Variants in KLHL32 observed in about 807,000 individuals in gnomAD.
KLHL32 encodes kelch-like protein 32.
A neutral mutation model predicts 64.8 loss-of-function variants in KLHL32; 35 were observed. The observed-to-expected ratio is 0.54, with a 90% CI of 0.41 to 0.72. KLHL32 has a LOEUF of 0.72. KLHL32 is among the 30% of genes least tolerant of loss of function. The pLI, the probability that KLHL32 is intolerant of heterozygous loss-of-function variation, is 0.00. For missense variants in KLHL32, 589 were observed against 768.5 expected (o/e 0.77, Z 2.76); for synonymous variants, 259 against 281.0 (o/e 0.92, Z 0.78).
intron 6 of KLHL32, among the ~76,000 whole-genome samples, chr6:97,096,084 GTCT>G (rs1159018618): frequency 2.6e-5 from 4 of 151,990 alleles, no homozygotes; most frequent in African/African-American, 2.4e-5. Context: ...TATTTTATAG[GTCT>G]TCTTTTTACC....
At chr6:96,982,110 G>C (rs1024797333) in intron 3 of KLHL32, among the ~76,000 whole-genome samples, 1 of 152,048 alleles carries the variant, frequency 6.6e-6, no homozygotes. Flanking sequence ...ATCTTGGTTA[G>C]TTCTCTGCCT....
rs183178363 is a variant in KLHL32, at chr6:96,986,838, G to A, written c.204+10661G>A. 9.0e-3 allele frequency among the ~76,000 whole-genome samples: 1,370 copies of A among 152,240 alleles called. 10 individuals carry two copies. Among genetic ancestry groups the A allele is most frequent in the Non-Finnish European group, 0.011 (745 of 68,010 alleles). ...CACTTCCTGGGTGAGACGATGCCTC[G>A]CCCTGCTTCAGCTCATGCTTGGTGC... On this transcript the variant is annotated intron_variant, in intron 3 of 10. Coordinates refer to ENST00000369261, the MANE Select transcript of KLHL32 (RefSeq NM_052904.4).
chr6:96,941,473 A>G (rs1771279376), intron 1 of KLHL32, among the ~76,000 whole-genome samples: 1 of 152,186 alleles, frequency 6.6e-6, no homozygotes, highest in Admixed American at 6.5e-5. Flanking sequence ...AATCTGATTT[A>G]ATTCTTAAAT....
intron 1 of KLHL32, among the ~76,000 whole-genome samples, chr6:96,950,042 G>A (rs1200749288): frequency 6.6e-6 from 1 of 151,946 alleles, no homozygotes; most frequent in African/African-American, 2.4e-5. Flanking sequence ...GAGCCACAGT[G>A]TATTTTTCAA....
At chr6:96,929,049 G>A (rs1044978206) in intron 1 of KLHL32, among the ~76,000 whole-genome samples, 5 of 152,178 alleles carry the variant, frequency 3.3e-5, no homozygotes, top group Non-Finnish European at 7.3e-5. Context: ...GTAGAGATAT[G>A]AAAGAAATGT....
chr6:96,935,183 G>A (rs1770433836), intron 1 of KLHL32, among the ~76,000 whole-genome samples: 1 of 152,182 alleles, frequency 6.6e-6, no homozygotes, highest in Non-Finnish European at 1.5e-5. Flanking sequence ...GTGACTAGCT[G>A]AGAGAAAGGC....
At chr6:97,009,430 T>C (rs1780088254) in intron 3 of KLHL32, among the ~76,000 whole-genome samples, 1 of 152,226 alleles carries the variant, frequency 6.6e-6, no homozygotes, top group Non-Finnish European at 1.5e-5. Flanking sequence ...TAAAACTCTC[T>C]TCACTATCGA....
the KLHL32 span, among the ~76,000 whole-genome samples, chr6:96,918,727 CATCA>C: frequency 6.6e-6 from 1 of 152,166 alleles, no homozygotes; most frequent in East Asian, 1.9e-4. Context: ...GTGGGTTACT[CATCA>C]GTTTTTAAAA....
intron 3 of KLHL32, among the ~76,000 whole-genome samples, chr6:97,032,931 C>CT (rs55941007): frequency 0.01 from 1,478 of 142,804 alleles, 20 homozygotes; most frequent in South Asian, 0.049. Context: ...TTCCTGTTAG[C>CT]TTTTTTTTTT....
At chr6:96,947,170 C>T (rs912221604) in intron 1 of KLHL32, among the ~76,000 whole-genome samples, 1 of 152,110 alleles carries the variant, frequency 6.6e-6, no homozygotes, top group Non-Finnish European at 1.5e-5. Context: ...ATCAACTAAC[C>T]ACTAACTGGG....
intron 1 of KLHL32, among the ~76,000 whole-genome samples, chr6:96,940,423 T>G (rs959304245): frequency 1.3e-5 from 2 of 152,128 alleles, no homozygotes; most frequent in Non-Finnish European, 2.9e-5. Context: ...TAGAAGCCAA[T>G]GCAGTGGTGT....
chr6:97,113,771 C>T lies in KLHL32; in HGVS notation c.628-12C>T, dbSNP rs748904011. On this transcript the variant is annotated splice_polypyrimidine_tract_variant and intron_variant, in intron 6 of 10. Coordinates refer to ENST00000369261, the MANE Select transcript of KLHL32 (RefSeq NM_052904.4). The stretch of plus-strand genomic sequence containing the variant: ...TTTGTGTCTCCTCTCATCTCACTTC[C>T]CTCTGTTTCAGCTAGCTGTGAGGTG... 9 of 1,605,718 alleles carry T rather than the reference C, an allele frequency of 5.6e-6. No homozygotes were observed. The highest frequency in any genetic ancestry group is 1.7e-4 in the Middle Eastern group (1 of 6,054).
intron 3 of KLHL32, among the ~76,000 whole-genome samples, chr6:96,998,246 T>C (rs776132378): frequency 3.3e-5 from 5 of 152,226 alleles, no homozygotes; most frequent in Admixed American, 6.5e-5. Flanking sequence ...AGTTTCAGTC[T>C]TTCATTCAGT....
At chr6:96,924,398 C>A (rs1049687801), upstream of KLHL32, among the ~76,000 whole-genome samples, 2 of 141,586 alleles carry the variant, frequency 1.4e-5, no homozygotes, top group South Asian at 4.7e-4. Flanking sequence ...TGCCGGAGAG[C>A]GAGGAGGAGG....
the KLHL32 span, among the ~76,000 whole-genome samples, chr6:96,917,745 G>A: frequency 1.3e-5 from 2 of 152,150 alleles, no homozygotes; most frequent in Non-Finnish European, 2.9e-5. Context: ...AGACTTCAGG[G>A]AAAAGAATAT....
At chr6:96,968,389 A>C (rs1337698271) in intron 2 of KLHL32, among the ~76,000 whole-genome samples, 2 of 151,626 alleles carry the variant, frequency 1.3e-5, no homozygotes, top group East Asian at 3.9e-4. Context: ...CAAAAACAAA[A>C]ACAAAAAAAA....
chr6:97,113,399 C>T (rs553178419), intron 6 of KLHL32, among the ~76,000 whole-genome samples: 6 of 152,164 alleles, frequency 3.9e-5, no homozygotes, highest in Non-Finnish European at 7.3e-5. Context: ...GCTTTGATGA[C>T]ACCTCCCACC....
chr6:96,967,166 C>A (rs1387452909), intron 2 of KLHL32, 83 bp downstream of exon 2: 3 of 1,264,054 alleles, frequency 2.4e-6, no homozygotes. Flanking sequence ...AAGCACAAAG[C>A]AGGGGCTTAA....
intron 3 of KLHL32, among the ~76,000 whole-genome samples, chr6:96,981,325 A>G (rs1776284258): frequency 6.6e-6 from 1 of 151,988 alleles, no homozygotes; most frequent in South Asian, 2.1e-4. Context: ...CATTTCTACT[A>G]AATTATATCT....
Sources: allele counts gnomAD v4.1 joint callset (sites outside exome capture counted in the v4.1 genomes callset), GRCh38; gene constraint gnomAD v4.1.1; transcripts MANE v1.5; gene names NCBI Gene and HGNC (gene_info 2026-07-23, HGNC 2026-07-21).